Variants in SSX2IP observed in about 807,000 individuals in gnomAD.
SSX2IP encodes afadin- and alpha-actinin-binding protein.
SSX2IP carries 55 observed loss-of-function variants against 84.9 expected under a neutral mutation model. The observed-to-expected ratio is 0.65, with a 90% CI of 0.52 to 0.81. The LOEUF is 0.81. Among genes scored for constraint, SSX2IP ranks in the 30% least tolerant of loss-of-function variants. The probability of loss-of-function intolerance (pLI) is 0.00; values close to 1 mark genes in which losing one functional copy is unlikely to be tolerated. For missense variants in SSX2IP, 664 were observed against 705.2 expected (o/e 0.94, Z 0.66); for synonymous variants, 239 against 234.7 (o/e 1.02, Z -0.17).
chr1:84,646,810 C>CATCA lies in SSX2IP; in HGVS notation c.*619_*622dup, dbSNP rs1649512742. 1 of 152,494 alleles carries CATCA rather than the reference C, an allele frequency of 6.6e-6. No homozygotes were observed. The highest frequency in any genetic ancestry group is 6.6e-5 in the Admixed American group (1 of 15,260). 9.4% of individuals were successfully genotyped at this position (152,494 alleles called of 1,614,324 possible). On this transcript the variant is annotated 3_prime_UTR_variant, in exon 14 of 14. Transcript: ENST00000342203. ...TTAAAGAGAATTCTTAAATGTAATG[C>CATCA]ATCAATGGTCCTAATACATCTGTAA...
At chr1:84,675,019 A>G (rs1457093260) in intron 1 of SSX2IP, among the ~76,000 whole-genome samples, 1 of 152,230 alleles carries the variant, frequency 6.6e-6, no homozygotes, top group East Asian at 1.9e-4. Context: ...GAAGGTTGCA[A>G]AGCATTTTTT....
chr1:84,656,522 C>A, intron 9 of SSX2IP, 38 bp from the exon 10 acceptor site: 2 of 1,583,884 alleles, frequency 1.3e-6, no homozygotes, highest in South Asian at 1.2e-5. Flanking sequence ...GGTCTTATAG[C>A]CACCACTTAG....
chr1:84,662,328 C>A lies in SSX2IP; in HGVS notation c.797G>T (p.Arg266Leu). The change falls in exon 8 of 14, where the codon CGT becomes CTT. Residue 266 changes from arginine (R) to leucine (L), a missense_variant. Arg to Leu is a moderately radical substitution (Grantham distance 102, BLOSUM62 -2). Transcript: ENST00000342203. ...YKILLNDYEYRQKQILMENAE... is the reference protein window; with the variant it reads ...YKILLNDYEYLQKQILMENAE... ...ATTTTCCATTAGGATTTGTTTCTGA[C>A]GATATTCATAATCATTCAAGAGAAT... The A allele has an allele frequency of 6.2e-7, 1 of 1,608,552 alleles. No individual in the cohort carries two copies. Among genetic ancestry groups the A allele is most frequent in the African/African-American group, 1.3e-5 (1 of 74,610 alleles).
At chr1:84,689,447 C>A (rs1164173891) in intron 1 of SSX2IP, among the ~76,000 whole-genome samples, 1 of 152,206 alleles carries the variant, frequency 6.6e-6, no homozygotes, top group Non-Finnish European at 1.5e-5. Flanking sequence ...CAAGAAGCCT[C>A]CACCCTTACA....
chr1:84,687,945 C>G (rs1045694175), intron 1 of SSX2IP, among the ~76,000 whole-genome samples: 2 of 152,174 alleles, frequency 1.3e-5, no homozygotes, highest in Admixed American at 1.3e-4. Context: ...AATTCTCCTT[C>G]TTTTTGAAAG....
intron 1 of SSX2IP, among the ~76,000 whole-genome samples, chr1:84,675,292 C>T (rs1208741338): frequency 1.3e-5 from 2 of 152,210 alleles, no homozygotes; most frequent in African/African-American, 4.8e-5. Context: ...TTTTCTAGCA[C>T]TGTTACCATA....
At chr1:84,658,206 C>A in intron 9 of SSX2IP, 112 bp downstream of exon 9, 1 of 1,141,020 alleles carries the variant, frequency 8.8e-7, no homozygotes, top group East Asian at 2.5e-5. Context: ...AACCACCAAA[C>A]TGAAGTATAG....
intron 6 of SSX2IP, 77 bp from the exon 7 acceptor site, chr1:84,662,607 G>GT (rs1652189785): frequency 7.4e-6 from 11 of 1,486,318 alleles, no homozygotes; most frequent in South Asian, 3.6e-5. Flanking sequence ...TTCTATACAC[G>GT]TAAGTGGTGA....
At chr1:84,676,735 T>C in intron 1 of SSX2IP, among the ~76,000 whole-genome samples, 1 of 141,528 alleles carries the variant, frequency 7.1e-6, no homozygotes, top group Non-Finnish European at 1.6e-5. Flanking sequence ...TTTTTTTTTT[T>C]TTTTTGAAAC....
intron 5 of SSX2IP, among the ~76,000 whole-genome samples, chr1:84,665,546 A>C (rs1652658361): frequency 6.6e-6 from 1 of 152,216 alleles, no homozygotes; most frequent in Admixed American, 6.5e-5. Flanking sequence ...CAAATTAAAA[A>C]ATATATTTTG....
chr1:84,673,220 A>G (rs1265691284), intron 1 of SSX2IP, among the ~76,000 whole-genome samples: 1 of 152,196 alleles, frequency 6.6e-6, no homozygotes, highest in Non-Finnish European at 1.5e-5. Context: ...ACATGGTAAT[A>G]TGAGAGAGTA....
chr1:84,681,341 C>T (rs1655054835), intron 1 of SSX2IP, among the ~76,000 whole-genome samples: 1 of 152,178 alleles, frequency 6.6e-6, no homozygotes, highest in African/African-American at 2.4e-5. Context: ...ACATATGGTA[C>T]AGCCAGGCTA....
At chr1:84,651,348 C>T (rs1650220275) in intron 12 of SSX2IP, among the ~76,000 whole-genome samples, 3 of 151,974 alleles carry the variant, frequency 2.0e-5, no homozygotes, top group Admixed American at 2.0e-4. Context: ...AAAAACTTCG[C>T]ATTATTACAA....
chr1:84,658,842 T>A (rs995390011), intron 8 of SSX2IP, among the ~76,000 whole-genome samples: 2 of 152,244 alleles, frequency 1.3e-5, no homozygotes, highest in Non-Finnish European at 2.9e-5. Context: ...AGAACTGATA[T>A]TTGACATTAG....
At chr1:84,664,260 G>C (rs890478309) in intron 6 of SSX2IP, among the ~76,000 whole-genome samples, 157 bp downstream of exon 6, 2 of 152,098 alleles carry the variant, frequency 1.3e-5, no homozygotes, top group African/African-American at 4.8e-5. Flanking sequence ...CTAACCAGTT[G>C]TCTACATTTT....
rs1304796262 is a variant in SSX2IP, at chr1:84,678,987, G to T, written c.-89-7679C>A. On this transcript the variant is annotated intron_variant, in intron 1 of 13. Transcript: ENST00000342203. ...CATCTGGGCTTCTAAATATTGCACA[G>T]AATTTTTCACAAATAGAGCTAACTG... Among the ~76,000 whole-genome samples the T allele has an allele frequency of 3.3e-5, 5 of 152,152 alleles. 1 individual carries two copies. The highest frequency in any genetic ancestry group is 7.4e-5 in the Non-Finnish European group (5 of 68,016).
intron 1 of SSX2IP, among the ~76,000 whole-genome samples, chr1:84,679,002 A>C (rs1026462262): frequency 6.6e-6 from 1 of 152,250 alleles, no homozygotes; most frequent in Non-Finnish European, 1.5e-5. Context: ...TTTCACAAAT[A>C]GAGCTAACTG....
In SSX2IP at chr1:84,676,719, C is replaced by CTTTTTTTTTTTT. The variant is rs61017474; in HGVS notation, c.-89-5423_-89-5412dup. On this transcript the variant is annotated intron_variant, in intron 1 of 13. Coordinates refer to ENST00000342203, the MANE Select transcript of SSX2IP (RefSeq NM_001166293.2). Reference sequence around the variant, plus strand: ...GATTTCAAGACTCTGTGCTCTTTTCCTTTTTTTTTTTTTTTTTTTTTGAAA... The same window carrying CTTTTTTTTTTTT: ...GATTTCAAGACTCTGTGCTCTTTTCCTTTTTTTTTTTTTTTTTTTTTTTTTTTTTTTTTGAAA... Among the ~76,000 whole-genome samples the CTTTTTTTTTTTT allele has an allele frequency of 2.2e-4, 22 of 99,458 alleles. 1 individual carries two copies. Among genetic ancestry groups the CTTTTTTTTTTTT allele is most frequent in the Admixed American group, 4.2e-4 (3 of 7,106 alleles). 65.2% of individuals were successfully genotyped at this position (99,458 alleles called of 152,430 possible).
At chr1:84,687,604 A>G (rs57636989) in intron 1 of SSX2IP, among the ~76,000 whole-genome samples, 58,064 of 152,104 alleles carry the variant, frequency 0.38, 11,598 homozygotes, top group African/African-American at 0.51. Context: ...TGAGGGCTTC[A>G]GCAAAATATA....
Sources: allele counts gnomAD v4.1 joint callset (sites outside exome capture counted in the v4.1 genomes callset), GRCh38; gene constraint gnomAD v4.1.1; transcripts MANE v1.5; gene names NCBI Gene and HGNC (gene_info 2026-07-23, HGNC 2026-07-21).